NR6A1: variants seen among roughly 807,000 people sequenced by gnomAD.
The protein encoded by NR6A1 is retinoic acid receptor-related testis-associated receptor.
NR6A1 carries 7 observed loss-of-function variants against 59.1 expected under a neutral mutation model. That is an observed-to-expected ratio of 0.12 (90% CI 0.07 to 0.22). The LOEUF (loss-of-function observed/expected upper bound fraction) is 0.22. NR6A1 is among the 10% of genes least tolerant of loss of function. The probability of loss-of-function intolerance (pLI) is 1.00; values close to 1 mark genes in which losing one functional copy is unlikely to be tolerated. For synonymous variants in NR6A1, 243 were observed against 236.1 expected, an observed-to-expected ratio of 1.03 and a Z score of -0.27; for missense variants, 468 against 611.6, an observed-to-expected ratio of 0.77 and a Z score of 2.48.
intron 2 of NR6A1, among the ~76,000 whole-genome samples, chr9:124,582,121 C>T (rs553754225): frequency 2.0e-5 from 3 of 152,246 alleles, no homozygotes; most frequent in Admixed American, 1.3e-4. Flanking sequence ...GACATATGTA[C>T]ATGTACATTC....
intron 2 of NR6A1, among the ~76,000 whole-genome samples, chr9:124,731,294 C>T (rs904927553): frequency 1.3e-5 from 2 of 150,934 alleles, no homozygotes; most frequent in Middle Eastern, 3.4e-3. Context: ...CACTTGAACC[C>T]GGGAGTCAGA....
chr9:124,525,699 CTA>C (rs548256064), intron 8 of NR6A1, among the ~76,000 whole-genome samples: 5 of 147,240 alleles, frequency 3.4e-5, no homozygotes, highest in African/African-American at 7.6e-5. Context: ...CTCTCTCTCT[CTA>C]TATATATATA....
chr9:124,712,573 A>G (rs1240227712), intron 2 of NR6A1, among the ~76,000 whole-genome samples: 1 of 151,300 alleles, frequency 6.6e-6, no homozygotes, highest in Non-Finnish European at 1.5e-5. Flanking sequence ...ACGCCACTGC[A>G]CTCCAGCCTG....
rs562571396 is a variant in NR6A1, at chr9:124,770,156, A to G, written c.100+864T>C. 81 of 152,346 alleles carry G rather than the reference A, an allele frequency of 5.3e-4. 1 individual carries two copies. Among genetic ancestry groups the G allele is most frequent in the African/African-American group, 1.9e-3 (79 of 41,530 alleles). The allele number at this position is 152,346 out of a possible 1,614,324, so 9.4% of individuals were successfully genotyped here. A position where few individuals can be genotyped will look rare whatever the true frequency, so the allele number is the denominator to read the frequency against. The stretch of plus-strand genomic sequence containing the variant: ...GGAGAACTGAGACTAAGAGGTGGGG[A>G]CCGGGACCTGCCGGGCAGAAGCCGG... On this transcript the variant is annotated intron_variant, in intron 1 of 9. Transcript: ENST00000487099.
At chr9:124,552,269 G>A (rs1011260005) in intron 3 of NR6A1, among the ~76,000 whole-genome samples, 3 of 152,306 alleles carry the variant, frequency 2.0e-5, no homozygotes, top group African/African-American at 7.2e-5. Flanking sequence ...GTGAGGGCAG[G>A]AAGTTGACAG....
chr9:124,627,244 G>A (rs1262412480), intron 2 of NR6A1, among the ~76,000 whole-genome samples: 1 of 152,190 alleles, frequency 6.6e-6, no homozygotes, highest in Non-Finnish European at 1.5e-5. Flanking sequence ...GTGTAACTGA[G>A]ATCAGAACCC....
At chr9:124,709,359 C>T (rs1239772563) in intron 2 of NR6A1, among the ~76,000 whole-genome samples, 2 of 152,158 alleles carry the variant, frequency 1.3e-5, no homozygotes, top group African/African-American at 4.8e-5. Flanking sequence ...GGCTTATACT[C>T]CTTCCTAAGT....
At chr9:124,700,682 A>G (rs1212897041) in intron 2 of NR6A1, among the ~76,000 whole-genome samples, 3 of 149,144 alleles carry the variant, frequency 2.0e-5, no homozygotes, top group African/African-American at 7.4e-5. Context: ...GCTGCTGGAT[A>G]TTTGAATTGT....
chr9:124,635,135 C>T (rs970764494), intron 2 of NR6A1, among the ~76,000 whole-genome samples: 1 of 152,126 alleles, frequency 6.6e-6, no homozygotes, highest in African/African-American at 2.4e-5. Context: ...CTTTACTGTC[C>T]TAAAAATCCT....
At chr9:124,601,190 T>C (rs1159266523) in intron 2 of NR6A1, among the ~76,000 whole-genome samples, 1 of 149,766 alleles carries the variant, frequency 6.7e-6, no homozygotes, top group Non-Finnish European at 1.5e-5. Context: ...GCAGGAGAAT[T>C]GCTTGAGCCC....
intron 2 of NR6A1, among the ~76,000 whole-genome samples, chr9:124,708,343 G>A (rs754869936): frequency 6.6e-6 from 1 of 152,152 alleles, no homozygotes; most frequent in Admixed American, 6.5e-5. Flanking sequence ...ACAGGCCCAG[G>A]CAACACGACA....
chr9:124,625,161 T>C (rs147840749), intron 2 of NR6A1, among the ~76,000 whole-genome samples: 131 of 152,324 alleles, frequency 8.6e-4, no homozygotes, highest in Middle Eastern at 3.4e-3. Context: ...GGGCAAGTTG[T>C]AGCTCTACCA....
chr9:124,586,719 G>C (rs1834948555), intron 2 of NR6A1, among the ~76,000 whole-genome samples: 1 of 152,168 alleles, frequency 6.6e-6, no homozygotes, highest in Non-Finnish European at 1.5e-5. Flanking sequence ...AAAGTGCTGG[G>C]ATTACAGGTG....
chr9:124,599,736 T>C (rs758931543), intron 2 of NR6A1, among the ~76,000 whole-genome samples: 13 of 152,180 alleles, frequency 8.5e-5, no homozygotes, highest in Non-Finnish European at 1.8e-4. Context: ...TTGTTTCCAC[T>C]TTCATTTTAA....
At chr9:124,687,799 ATAGCTAAATGC>A (rs1418709008) in intron 2 of NR6A1, among the ~76,000 whole-genome samples, 2 of 152,234 alleles carry the variant, frequency 1.3e-5, no homozygotes, top group African/African-American at 4.8e-5. Flanking sequence ...GCAAAATAAG[ATAGCTAAATGC>A]ATTCAAATAT....
chr9:124,660,668 A>AAG (rs1837404470), intron 2 of NR6A1, among the ~76,000 whole-genome samples: 1 of 150,830 alleles, frequency 6.6e-6, no homozygotes, highest in East Asian at 1.9e-4. Context: ...AAAAAAAAAA[A>AAG]GGCAACACAG....
intron 2 of NR6A1, among the ~76,000 whole-genome samples, chr9:124,621,541 T>TA (rs1836076097): frequency 6.7e-6 from 1 of 149,716 alleles, no homozygotes; most frequent in South Asian, 2.1e-4. Flanking sequence ...GCAGTCCCAG[T>TA]AACTTAGGAG....
chr9:124,659,372 C>G (rs1394587909), intron 2 of NR6A1, among the ~76,000 whole-genome samples: 1 of 152,202 alleles, frequency 6.6e-6, no homozygotes, highest in Non-Finnish European at 1.5e-5. Context: ...ATTTTCCCAG[C>G]TCCGCTTTGT....
chr9:124,652,136 T>C (rs551042251), intron 2 of NR6A1, among the ~76,000 whole-genome samples: 1 of 152,200 alleles, frequency 6.6e-6, no homozygotes, highest in Non-Finnish European at 1.5e-5. Context: ...TGGATTGATT[T>C]AAAGTGGTGG....
Sources: allele counts gnomAD v4.1 joint callset (sites outside exome capture counted in the v4.1 genomes callset), GRCh38; gene constraint gnomAD v4.1.1; transcripts MANE v1.5; gene names NCBI Gene and HGNC (gene_info 2026-07-23, HGNC 2026-07-21).